ATP11A: variants seen among roughly 807,000 people sequenced by gnomAD.
ATP11A encodes the protein phospholipid-transporting ATPase IH.
ATP11A carries 81 observed loss-of-function variants against 154.4 expected under a neutral mutation model. The observed-to-expected ratio is 0.52, with a 90% confidence interval of 0.44 to 0.63. ATP11A has a LOEUF of 0.63. Among genes scored for constraint, ATP11A ranks in the 30% least tolerant of loss-of-function variants. The pLI is 0.00. For missense variants in ATP11A, 1,316 were observed against 1,474.3 expected, an observed-to-expected ratio of 0.89 and a Z score of 1.76; for synonymous variants, 623 against 585.9, an observed-to-expected ratio of 1.06 and a Z score of -0.91.
In ATP11A at chr13:112,868,653, A is replaced by T. The variant is rs151165034; in HGVS notation, c.2992-3082A>T. On this transcript the variant is annotated intron_variant, in intron 25 of 29. Coordinates refer to ENST00000375645, the MANE Select transcript of ATP11A (RefSeq NM_015205.3). ...AAGCCCTTTGAAAAAGGAGATTGGT[A>T]TCCCAGGGATGCCTGCCACCCCCAG... 2.1e-3 allele frequency among the ~76,000 whole-genome samples: 317 copies of T among 152,334 alleles called. 2 individuals carry two copies. The highest frequency in any genetic ancestry group is 2.1e-3 in the East Asian group (11 of 5,182).
chr13:112,693,498 C>T (rs1022242809), intron 1 of ATP11A, among the ~76,000 whole-genome samples: 1 of 151,176 alleles, frequency 6.6e-6, no homozygotes, highest in African/African-American at 2.4e-5. Flanking sequence ...AGTGTGTGTG[C>T]CGTGGGGTGG....
At chr13:112,784,481 T>C (rs898896234) in intron 1 of ATP11A, among the ~76,000 whole-genome samples, 9 of 151,696 alleles carry the variant, frequency 5.9e-5, no homozygotes, top group Non-Finnish European at 1.2e-4. Flanking sequence ...AACATCACTG[T>C]CTCTTCTGTT....
chr13:112,830,346 G>A (rs2079052400), intron 12 of ATP11A, among the ~76,000 whole-genome samples: 1 of 152,144 alleles, frequency 6.6e-6, no homozygotes, highest in African/African-American at 2.4e-5. Context: ...AGGCTGAGGT[G>A]GGTGGATCGC....
intron 1 of ATP11A, among the ~76,000 whole-genome samples, chr13:112,734,121 C>T (rs1164065725): frequency 6.6e-6 from 1 of 152,080 alleles, no homozygotes; most frequent in African/African-American, 2.4e-5. Context: ...AGTGAGTGCT[C>T]CTGGGCTTCA....
intron 29 of ATP11A, among the ~76,000 whole-genome samples, chr13:112,879,572 C>T (rs995740399): frequency 1.3e-5 from 2 of 152,220 alleles, no homozygotes; most frequent in African/African-American, 2.4e-5. Context: ...GGAAGCTGAG[C>T]CCGGCTGCGT....
At position 112,766,793 on chromosome 13, in the gene ATP11A, TGG is replaced by T. The variant is rs1393242232; in HGVS notation, c.40-18338_40-18337del. 1.2e-4 allele frequency among the ~76,000 whole-genome samples: 13 copies of T among 112,148 alleles called. 1 individual carries two copies. Among genetic ancestry groups the T allele is most frequent in the South Asian group, 3.3e-4 (1 of 3,074 alleles). 73.6% of individuals were successfully genotyped at this position (112,148 alleles called of 152,430 possible). A position where few individuals can be genotyped will look rare whatever the true frequency, so the allele number is the denominator to read the frequency against. On this transcript the variant is annotated intron_variant, in intron 1 of 29. Coordinates refer to ENST00000375645, the MANE Select transcript of ATP11A (RefSeq NM_015205.3). ...AACATGGATTCCTGTGAGGAGGATG[TGG>T]GGGCGTTGGGGGCCACTGTGGGAAG...
chr13:112,702,820 C>T (rs1157886161), intron 1 of ATP11A, among the ~76,000 whole-genome samples: 2 of 152,258 alleles, frequency 1.3e-5, no homozygotes, highest in African/African-American at 4.8e-5. Flanking sequence ...ACCTCGGTGT[C>T]TCAGGGCCTT....
Position 112,816,189 on chromosome 13 carries a change from T to A in ATP11A, c.548T>A (p.Leu183Ter). 6.2e-7 allele frequency: 1 copy of A among 1,614,150 alleles called. No individual in the cohort carries two copies. The highest frequency in any genetic ancestry group is 8.5e-7 in the Non-Finnish European group (1 of 1,180,024). Residue 183 changes from leucine (L) to a stop codon, truncating the protein, a stop_gained, in exon 6 of 30, where the codon TTG (leucine) becomes TAG (stop). Transcript: ENST00000375645. LOFTEE classifies it high-confidence loss of function. ...ACGTGCCACGTCACCACCGCCAGCT[T>A]GGATGGAGAATCCAGCCATAAAGTA... The part of the protein sequence containing the change: ...DGTCHVTTAS[L>*]DGESSHKTHY...
intron 9 of ATP11A, 126 bp downstream of exon 9, chr13:112,823,535 G>A (rs911326139): frequency 3.6e-5 from 25 of 689,378 alleles, no homozygotes; most frequent in East Asian, 5.5e-5. Flanking sequence ...CTTTCTGGCC[G>A]CGCAAGTTCT....
intron 5 of ATP11A, chr13:112,811,671 C>G (rs562392849): frequency 1.3e-5 from 2 of 152,050 alleles, no homozygotes; most frequent in African/African-American, 4.8e-5. Flanking sequence ...AATAGCATAA[C>G]CTCAGCTCAC....
At chr13:112,731,937 C>CGGG (rs67335042) in intron 1 of ATP11A, among the ~76,000 whole-genome samples, 290 of 83,056 alleles carry the variant, frequency 3.5e-3, no homozygotes, top group Middle Eastern at 0.018. Flanking sequence ...GAAATGGGGG[C>CGGG]GGGGGGGGGC....
At chr13:112,772,295 C>T (rs1343600084) in intron 1 of ATP11A, among the ~76,000 whole-genome samples, 2 of 152,112 alleles carry the variant, frequency 1.3e-5, no homozygotes, top group Non-Finnish European at 2.9e-5. Context: ...AGAAGATGGG[C>T]AGGTAGAAGG....
chr13:112,702,854 C>T (rs72658093), intron 1 of ATP11A, among the ~76,000 whole-genome samples: 2,352 of 152,332 alleles, frequency 0.015, 25 homozygotes, highest in Middle Eastern at 0.054. Context: ...TTTTTCCCAG[C>T]GTCTCACCAG....
At chr13:112,694,880 G>T (rs193143330) in intron 1 of ATP11A, among the ~76,000 whole-genome samples, 1 of 152,036 alleles carries the variant, frequency 6.6e-6, no homozygotes, top group East Asian at 1.9e-4. Flanking sequence ...TTTGCTTCCC[G>T]AGAACTTGAA....
chr13:112,701,842 C>A (rs962668021), intron 1 of ATP11A, among the ~76,000 whole-genome samples: 1 of 151,778 alleles, frequency 6.6e-6, no homozygotes, highest in South Asian at 2.1e-4. Flanking sequence ...CATTTATAAC[C>A]CCAGCAATGG....
At chr13:112,881,774 G>T in intron 29 of ATP11A, 102 bp from the exon 30 acceptor site, 1 of 1,357,450 alleles carries the variant, frequency 7.4e-7, no homozygotes, top group South Asian at 1.2e-5. Context: ...GCAGCCCCGT[G>T]GGTATCCCTG....
In ATP11A at chr13:112,836,214, C is replaced by A; in HGVS notation, c.1668C>A (p.Val556=). Residue 556 remains valine, a synonymous_variant, in exon 16 of 30, where the codon GTC becomes GTA. Coordinates refer to ENST00000375645, the MANE Select transcript of ATP11A (RefSeq NM_015205.3). ...ELLEILSFDS[V]RRRMSVIVKS... ...TGGAAATTTTGAGTTTTGACTCAGT[C>A]AGAAGGAGAATGAGTGTAATTGTAA... The A allele has an allele frequency of 6.2e-7, 1 of 1,612,636 alleles. No individual in the cohort carries two copies.
chr13:112,790,266 A>C (rs970294010), intron 2 of ATP11A, among the ~76,000 whole-genome samples: 3 of 149,244 alleles, frequency 2.0e-5, no homozygotes, highest in Non-Finnish European at 4.5e-5. Flanking sequence ...GCATCTTGAC[A>C]TGTAGACTCC....
chr13:112,779,302 C>T (rs1278013530), intron 1 of ATP11A, among the ~76,000 whole-genome samples: 2 of 135,750 alleles, frequency 1.5e-5, no homozygotes, highest in South Asian at 2.5e-4. Flanking sequence ...GGTGAGTAGC[C>T]GCTGGAGTGA....
Sources: gnomAD v4.1 joint callset for allele counts (sites outside exome capture counted in the v4.1 genomes callset) on GRCh38, gnomAD v4.1.1 for gene constraint, MANE v1.5 for transcripts, NCBI Gene and HGNC (gene_info 2026-07-23, HGNC 2026-07-21) for gene names.